Variants in SND1 observed in about 807,000 individuals in gnomAD.
SND1 encodes the protein staphylococcal nuclease and tudor domain containing 1.
Under a neutral mutation model 121.7 loss-of-function variants are expected in SND1, and 38 were observed. The observed-to-expected ratio is 0.31, with a 90% CI of 0.24 to 0.41. SND1 has a LOEUF of 0.41. Among genes scored for constraint, SND1 ranks in the 10% least tolerant of loss-of-function variants. The pLI is 1.00. For missense variants in SND1, 868 were observed against 1,184.6 expected (o/e 0.73, Z 3.92); for synonymous variants, 401 against 447.4 (o/e 0.90, Z 1.31).
chr7:127,901,865 T>A (rs1011783075), intron 13 of SND1, among the ~76,000 whole-genome samples: 4 of 152,198 alleles, frequency 2.6e-5, no homozygotes, highest in Admixed American at 1.3e-4. Flanking sequence ...CAAATAAGTA[T>A]CTGATAATAT....
At chr7:128,077,571 G>T (rs778717299) in intron 17 of SND1, among the ~76,000 whole-genome samples, 1 of 152,244 alleles carries the variant, frequency 6.6e-6, no homozygotes, top group African/African-American at 2.4e-5. Flanking sequence ...GCCACCGGGG[G>T]TACCAGCAGT....
At chr7:127,782,417 C>T (rs1797739964) in intron 10 of SND1, among the ~76,000 whole-genome samples, 1 of 152,180 alleles carries the variant, frequency 6.6e-6, no homozygotes. Flanking sequence ...AACTGGTCTT[C>T]AGATGAGGAA....
intron 14 of SND1, among the ~76,000 whole-genome samples, chr7:127,922,762 C>T (rs1800746372): frequency 6.6e-6 from 1 of 152,150 alleles, no homozygotes; most frequent in Non-Finnish European, 1.5e-5. Context: ...TTGTAATACT[C>T]TCTGTTGAGG....
chr7:127,921,296 G>A (rs1800700583), intron 14 of SND1, among the ~76,000 whole-genome samples: 1 of 152,096 alleles, frequency 6.6e-6, no homozygotes, highest in South Asian at 2.1e-4. Flanking sequence ...CTGCTTTTGT[G>A]GAACCAGTGA....
chr7:127,740,610 A>G (rs1315081234), intron 10 of SND1, among the ~76,000 whole-genome samples: 1 of 152,238 alleles, frequency 6.6e-6, no homozygotes, highest in African/African-American at 2.4e-5. Context: ...CAGTCTGCAC[A>G]TCAGAAATCA....
intron 16 of SND1, among the ~76,000 whole-genome samples, chr7:128,023,103 G>A (rs1803395659): frequency 6.6e-6 from 1 of 152,180 alleles, no homozygotes; most frequent in Non-Finnish European, 1.5e-5. Flanking sequence ...TAAGGCAGAG[G>A]AATCTCCCTG....
chr7:127,848,117 C>A (rs563896805), intron 12 of SND1, among the ~76,000 whole-genome samples: 1 of 152,226 alleles, frequency 6.6e-6, no homozygotes, highest in East Asian at 1.9e-4. Flanking sequence ...GAAGTAAAAC[C>A]TTTTTCTGTT....
At chr7:127,922,064 C>T (rs974203349) in intron 14 of SND1, among the ~76,000 whole-genome samples, 4 of 151,480 alleles carry the variant, frequency 2.6e-5, no homozygotes, top group Admixed American at 6.6e-5. Flanking sequence ...CATCACTGCT[C>T]ACTGTAGCCT....
chr7:127,824,478 C>A (rs1798607772), intron 11 of SND1, among the ~76,000 whole-genome samples: 1 of 152,156 alleles, frequency 6.6e-6, no homozygotes, highest in African/African-American at 2.4e-5. Flanking sequence ...CTACCTGATT[C>A]TTGATAAGTT....
In SND1 at chr7:128,032,958, T is replaced by C. The variant is rs181601143; in HGVS notation, c.1780-41544T>C. On this transcript the variant is annotated intron_variant, in intron 16 of 23. Coordinates refer to ENST00000354725, the MANE Select transcript of SND1 (RefSeq NM_014390.4). ...CAGAGGCCGGCAGGAAGGATTGAGG[T>C]GAACTCCCGGAGCCCACGACACAGC... is the stretch of plus-strand genomic sequence containing the variant. Among the ~76,000 whole-genome samples, 307 of 152,128 alleles carry C rather than the reference T, an allele frequency of 2.0e-3. 9 individuals are homozygous for C. In the East Asian group the frequency reaches 0.043, roughly 21 times the overall value.
intron 16 of SND1, among the ~76,000 whole-genome samples, chr7:128,032,427 A>C (rs1792654399): frequency 6.7e-6 from 1 of 149,834 alleles, no homozygotes; most frequent in Non-Finnish European, 1.5e-5. Flanking sequence ...GGCCGCGCGC[A>C]AGTCGCAGGC....
chr7:127,836,873 G>A (rs1368787058), intron 11 of SND1, among the ~76,000 whole-genome samples: 1 of 152,002 alleles, frequency 6.6e-6, no homozygotes, highest in Non-Finnish European at 1.5e-5. Context: ...AGAAGGAACT[G>A]AAAAATACCT....
intron 16 of SND1, among the ~76,000 whole-genome samples, chr7:128,002,295 T>A (rs887998854): frequency 3.9e-5 from 6 of 152,252 alleles, no homozygotes; most frequent in Admixed American, 3.9e-4. Flanking sequence ...CTATTTTCCA[T>A]CCTTGGTCTA....
chr7:127,714,687 A>G (rs1419209691), intron 9 of SND1, among the ~76,000 whole-genome samples: 2 of 152,094 alleles, frequency 1.3e-5, no homozygotes, highest in African/African-American at 2.4e-5. Flanking sequence ...CCACAATTCT[A>G]CTTTTTGCTT....
chr7:127,887,036 T>C (rs1214485604), intron 12 of SND1, among the ~76,000 whole-genome samples: 1 of 152,018 alleles, frequency 6.6e-6, no homozygotes, highest in Non-Finnish European at 1.5e-5. Flanking sequence ...TAGGGCCTCA[T>C]TCTTTTACCC....
At chr7:127,744,154 G>T (rs558781301) in intron 10 of SND1, among the ~76,000 whole-genome samples, 10 of 152,108 alleles carry the variant, frequency 6.6e-5, no homozygotes, top group Non-Finnish European at 1.0e-4. Flanking sequence ...TATTCCCTTT[G>T]CAATTAACAC....
At chr7:127,716,811 T>C (rs1249827544) in intron 9 of SND1, among the ~76,000 whole-genome samples, 1 of 152,216 alleles carries the variant, frequency 6.6e-6, no homozygotes, top group Non-Finnish European at 1.5e-5. Context: ...TTCTCCAGTA[T>C]ATTCCTATGT....
At chr7:127,926,559 T>C (rs1038136863) in intron 14 of SND1, among the ~76,000 whole-genome samples, 4 of 140,066 alleles carry the variant, frequency 2.9e-5, no homozygotes, top group African/African-American at 5.4e-5. Context: ...CTTTTTTTTT[T>C]TTTTTTTTTT....
intron 10 of SND1, among the ~76,000 whole-genome samples, chr7:127,779,021 T>G (rs780725346): frequency 1.4e-4 from 21 of 152,218 alleles, no homozygotes; most frequent in Non-Finnish European, 2.8e-4. Context: ...TGCTAATGCC[T>G]TAACAAATAC....
Sources: allele counts gnomAD v4.1 joint callset (sites outside exome capture counted in the v4.1 genomes callset), GRCh38; gene constraint gnomAD v4.1.1; transcripts MANE v1.5; gene names NCBI Gene and HGNC (gene_info 2026-07-23, HGNC 2026-07-21).